SATB2: variants seen among roughly 807,000 people sequenced by gnomAD.
The protein encoded by SATB2 is SATB homeobox 2.
SATB2 carries 1 observed loss-of-function variant against 73.4 expected under a neutral mutation model. The ratio of observed to expected loss-of-function variants is 0.01; its 90% CI spans 0.00 to 0.06. The LOEUF (loss-of-function observed/expected upper bound fraction) is 0.06. Among genes scored for constraint, SATB2 ranks in the 10% least tolerant of loss-of-function variants. The pLI is 1.00. For missense variants in SATB2, 459 were observed against 945.8 expected, an observed-to-expected ratio of 0.49 and a Z score of 6.75; for synonymous variants, 397 against 367.0, an observed-to-expected ratio of 1.08 and a Z score of -0.93.
At chr2:199,412,346 A>C (rs1690846368) in intron 3 of SATB2, among the ~76,000 whole-genome samples, 1 of 152,190 alleles carries the variant, frequency 6.6e-6, no homozygotes, top group South Asian at 2.1e-4. Context: ...GCCAATGAAG[A>C]GTGAGAAATA....
chr2:199,448,629 T>C (rs139112188), intron 2 of SATB2, among the ~76,000 whole-genome samples: 228 of 152,276 alleles, frequency 1.5e-3, no homozygotes, highest in African/African-American at 5.3e-3. Flanking sequence ...TTATTTTATA[T>C]ATTATATACA....
chr2:199,405,899 G>C (rs1690617036), intron 3 of SATB2, among the ~76,000 whole-genome samples: 1 of 152,116 alleles, frequency 6.6e-6, no homozygotes, highest in Admixed American at 6.6e-5. Context: ...CATGGGTCAA[G>C]GTAAGTGGAG....
At chr2:199,453,951 A>T (rs1692201414) in intron 2 of SATB2, among the ~76,000 whole-genome samples, 1 of 152,082 alleles carries the variant, frequency 6.6e-6, no homozygotes, top group Admixed American at 6.5e-5. Flanking sequence ...GACCTCTGCT[A>T]TTACTAAATT....
At chr2:199,279,226 A>G (rs1692407830) in intron 10 of SATB2, among the ~76,000 whole-genome samples, 1 of 152,254 alleles carries the variant, frequency 6.6e-6, no homozygotes, top group African/African-American at 2.4e-5. Context: ...ATAAAGCACA[A>G]TTATAATATG....
In SATB2 at chr2:199,272,766, A is replaced by ACT; in HGVS notation, c.1741-96_1741-95dup. The ACT allele has an allele frequency of 8.7e-7, 1 of 1,147,724 alleles. No homozygotes were observed. The highest frequency in any genetic ancestry group is 1.3e-6 in the Non-Finnish European group (1 of 760,662). 71.1% of individuals were successfully genotyped at this position (1,147,724 alleles called of 1,614,324 possible). Reference sequence around the variant, plus strand: ...CTGAAATATGTGTTATCTATCTAGCACTGGAGGTAAGCTATAGTCATTTGT... The same window carrying ACT: ...CTGAAATATGTGTTATCTATCTAGCACTCTGGAGGTAAGCTATAGTCATTTGT... On this transcript the variant is annotated intron_variant, in intron 10 of 10. Coordinates refer to ENST00000417098, the MANE Select transcript of SATB2 (RefSeq NM_001172509.2). This position sits in a 1 kb window ranked among gnomAD's most constrained non-coding sequence, Gnocchi z 6.7.
At chr2:199,345,986 T>C (rs1688639558) in intron 7 of SATB2, among the ~76,000 whole-genome samples, 2 of 152,138 alleles carry the variant, frequency 1.3e-5, no homozygotes, top group African/African-American at 4.8e-5. Flanking sequence ...TACAAATTGA[T>C]AATAACTCTT....
chr2:199,459,514 T>C (rs905441183), upstream of SATB2: 1 of 152,106 alleles, frequency 6.6e-6, no homozygotes, highest in Non-Finnish European at 1.5e-5. This position sits in a 1 kb window ranked among gnomAD's most constrained non-coding sequence, Gnocchi z 4.2. Context: ...CGGCGGACAT[T>C]AGCCGCTAGG....
Position 199,379,969 on chromosome 2 carries a change from C to T in SATB2, c.597+395G>A, listed in dbSNP as rs571158702. 8.9e-4 allele frequency among the ~76,000 whole-genome samples: 136 copies of T among 152,074 alleles called. 3 individuals are homozygous for T. The South Asian group carries it at 0.028, about 31-fold the overall frequency. Reference sequence around the variant, plus strand: ...TGTGATCTTGGCTGACTGCAATCTCCACCTCCCAGTCTGAAGCAATCCTCC... The same window carrying T: ...TGTGATCTTGGCTGACTGCAATCTCTACCTCCCAGTCTGAAGCAATCCTCC... On this transcript the variant is annotated intron_variant, in intron 5 of 10. Transcript: ENST00000417098.
At chr2:199,447,461 G>A (rs140583472) in intron 2 of SATB2, among the ~76,000 whole-genome samples, 1 of 152,234 alleles carries the variant, frequency 6.6e-6, no homozygotes, top group East Asian at 1.9e-4. Flanking sequence ...AGCCTAGTTT[G>A]GACTTTGGGA....
At chr2:199,399,036 C>A (rs1385471952) in intron 3 of SATB2, among the ~76,000 whole-genome samples, 1 of 152,040 alleles carries the variant, frequency 6.6e-6, no homozygotes, top group Non-Finnish European at 1.5e-5. Context: ...TTTGGGAGGC[C>A]AAGGTGGGCA....
intron 7 of SATB2, among the ~76,000 whole-genome samples, chr2:199,345,543 C>T (rs1210547008): frequency 1.3e-5 from 2 of 152,072 alleles, no homozygotes; most frequent in African/African-American, 4.8e-5. Context: ...TCCAACCACT[C>T]TTTCCATGTC....
At chr2:199,427,614 G>T (rs941767678) in intron 3 of SATB2, among the ~76,000 whole-genome samples, 3 of 151,996 alleles carry the variant, frequency 2.0e-5, no homozygotes, top group Admixed American at 2.0e-4. Flanking sequence ...GGGGGAGGGG[G>T]TGAGAAGTGG....
At position 199,351,404 on chromosome 2, in the gene SATB2, C is replaced by T. The variant is rs562258785; in HGVS notation, c.701-2231G>A. Among the ~76,000 whole-genome samples the T allele has an allele frequency of 1.3e-4, 20 of 152,232 alleles. No individual in the cohort carries two copies. The South Asian group carries it at 3.3e-3, about 25-fold the overall frequency. ...TCTCAAACTTCTGGCCTCATGTGAT[C>T]CACCAGCCTCAGCCTCACCAGCCAT... is the stretch of plus-strand genomic sequence containing the variant. On this transcript the variant is annotated intron_variant, in intron 6 of 10. Coordinates refer to ENST00000417098, the MANE Select transcript of SATB2 (RefSeq NM_001172509.2).
intron 3 of SATB2, among the ~76,000 whole-genome samples, chr2:199,390,897 G>T (rs1690111463): frequency 6.6e-6 from 1 of 152,098 alleles, no homozygotes; most frequent in Non-Finnish European, 1.5e-5. Context: ...ACAGTTTACG[G>T]TTACATAATA....
chr2:199,451,243 C>T (rs1032892166), intron 2 of SATB2, among the ~76,000 whole-genome samples: 2 of 151,764 alleles, frequency 1.3e-5, no homozygotes, highest in Non-Finnish European at 2.9e-5. Context: ...CTTTGAGGGG[C>T]GGATACCCTA....
In SATB2 at chr2:199,464,279, G is replaced by A. The variant is rs1479648766; in HGVS notation, c.-141+557C>T. 6.6e-6 allele frequency among the ~76,000 whole-genome samples: 1 copy of A among 152,160 alleles called. No individual in the cohort carries two copies. The highest frequency in any genetic ancestry group is 1.9e-4 in the East Asian group (1 of 5,166). ...TCCCCGCCCTACAGCCAAGCCCAGA[G>A]GAACAGGGCATCGCCTCGCGCGGTC... On this transcript the variant is annotated intron_variant, in intron 1 of 11. Transcript: ENST00000260926. The surrounding 1 kb of genome is among the most constrained non-coding windows in gnomAD (Gnocchi z 6.6).
upstream of SATB2, chr2:199,460,329 A>C (rs980936049): frequency 6.6e-6 from 1 of 152,364 alleles, no homozygotes; most frequent in Non-Finnish European, 1.5e-5. The surrounding 1 kb of genome is among the most constrained non-coding windows in gnomAD (Gnocchi z 4.0). Flanking sequence ...AATATGTCGA[A>C]ATGGGAAGGG....
intron 3 of SATB2, among the ~76,000 whole-genome samples, chr2:199,392,163 G>A (rs111240248): frequency 7.2e-5 from 11 of 152,176 alleles, no homozygotes; most frequent in East Asian, 3.9e-4. Context: ...ACTGCCCAGC[G>A]TGCCCAGTAA....
intron 3 of SATB2, among the ~76,000 whole-genome samples, chr2:199,385,765 G>A: frequency 6.6e-6 from 1 of 152,166 alleles, no homozygotes; most frequent in Non-Finnish European, 1.5e-5. Context: ...GGGAGGCCGT[G>A]AATGCCTGAC....
Sources: gnomAD v4.1 joint callset for allele counts (sites outside exome capture counted in the v4.1 genomes callset) on GRCh38, gnomAD v4.1.1 for gene constraint, Gnocchi (gnomAD v3.1) non-coding constraint, MANE v1.5 for transcripts, NCBI Gene and HGNC (gene_info 2026-07-23, HGNC 2026-07-21) for gene names.